CMYA5: variants seen among roughly 807,000 people sequenced by gnomAD.
The protein encoded by CMYA5 is cardiomyopathy-associated protein 5.
A neutral mutation model predicts 318.9 loss-of-function variants in CMYA5; 246 were observed. The ratio of observed to expected loss-of-function variants is 0.77; its 90% CI spans 0.70 to 0.86. The LOEUF is 0.86. CMYA5 is among the 40% of genes least tolerant of loss of function. The pLI is 0.00. For missense variants in CMYA5, 4,589 were observed against 4,678.2 expected, an observed-to-expected ratio of 0.98 and a Z score of 0.56; for synonymous variants, 1,641 against 1,729.5, an observed-to-expected ratio of 0.95 and a Z score of 1.27.
intron 1 of CMYA5, among the ~76,000 whole-genome samples, chr5:79,718,885 G>A (rs766212433): frequency 8.5e-5 from 13 of 152,160 alleles, no homozygotes; most frequent in Non-Finnish European, 1.6e-4. Context: ...GTATAGGGTT[G>A]TAGCCTAGGA....
At chr5:79,798,339 G>T (rs190111913) in intron 12 of CMYA5, among the ~76,000 whole-genome samples, 1 of 151,906 alleles carries the variant, frequency 6.6e-6, no homozygotes, top group African/African-American at 2.4e-5. Flanking sequence ...CACATCCGTC[G>T]ACCTTTCCCT....
chr5:79,742,267 G>A (rs938398027), intron 2 of CMYA5, among the ~76,000 whole-genome samples: 4 of 151,158 alleles, frequency 2.6e-5, no homozygotes, highest in East Asian at 1.9e-4. Flanking sequence ...ATCATAGCTC[G>A]CTGAAGCCTC....
Position 79,732,778 on chromosome 5 carries a change from C to A in CMYA5, c.4013C>A (p.Ala1338Asp). 1 of 1,613,706 alleles carries A rather than the reference C, an allele frequency of 6.2e-7. No homozygotes were observed. Among genetic ancestry groups the A allele is most frequent in the Non-Finnish European group, 8.5e-7 (1 of 1,179,804 alleles). The change falls in exon 2 of 13, where the codon GCT (alanine) becomes GAT (aspartate). Residue 1338 changes from alanine (A) to aspartate (D), a missense_variant. Around this residue, in one of 3 missense-constraint regions of CMYA5, gnomAD observed 2,132 missense variants for 2,131.3 expected, o/e 1.00. Coordinates refer to ENST00000446378, the MANE Select transcript of CMYA5 (RefSeq NM_153610.5). Reference protein sequence around the residue: ...EHGPPALAFSALSEEIKKEIE... With the variant: ...EHGPPALAFSDLSEEIKKEIE... Reference sequence around the variant, plus strand: ...GGTCCACCTGCACTAGCATTTTCAGCTTTGTCAGAAGAAATTAAAAAAGAA... The same window carrying A: ...GGTCCACCTGCACTAGCATTTTCAGATTTGTCAGAAGAAATTAAAAAAGAA...
chr5:79,730,830 T>G lies in CMYA5; in HGVS notation c.2065T>G (p.Cys689Gly). ...LSGDEASESG[C>G]YTPDSTSASE... ...AGGAGACGAGGCCTCAGAAAGTGGG[T>G]GTTACACACCAGACTCCACATCTGC... Residue 689 changes from cysteine (C) to glycine (G), a missense_variant, in exon 2 of 13, where the codon TGT becomes GGT. Coordinates refer to ENST00000446378, the MANE Select transcript of CMYA5 (RefSeq NM_153610.5). The G allele has an allele frequency of 1.2e-6, 2 of 1,613,864 alleles. No individual in the cohort carries two copies. The highest frequency in any genetic ancestry group is 1.7e-6 in the Non-Finnish European group (2 of 1,179,860).
chr5:79,768,985 G>T (rs774126727), intron 9 of CMYA5, among the ~76,000 whole-genome samples: 15 of 152,032 alleles, frequency 9.9e-5, no homozygotes, highest in Non-Finnish European at 2.1e-4. Flanking sequence ...TGGAGGCTTT[G>T]TTTGTTCCTT....
chr5:79,740,830 G>A (rs1446455015), intron 2 of CMYA5, among the ~76,000 whole-genome samples: 3 of 151,992 alleles, frequency 2.0e-5, no homozygotes, highest in Admixed American at 1.3e-4. Flanking sequence ...TAACAATAAC[G>A]ATTGAGGATT....
rs748901591 is a variant in CMYA5 at position 79,730,332 on chromosome 5, G to A, written c.1567G>A (p.Asp523Asn). ...CATAGCTATTACCCCTGAACCTGAAGATTCTAATTTAGTAGAAGAAGAGAT... is the reference window on the plus strand; with the variant it reads ...CATAGCTATTACCCCTGAACCTGAAAATTCTAATTTAGTAGAAGAAGAGAT... ...LPIAITPEPE[D>N]SNLVEEEIVE... Residue 523 changes from aspartate (D) to asparagine (N), a missense_variant, in exon 2 of 13, where the codon GAT becomes AAT. Coordinates refer to ENST00000446378, the MANE Select transcript of CMYA5 (RefSeq NM_153610.5). 1.2e-6 allele frequency: 2 copies of A among 1,612,300 alleles called. No homozygotes were observed. The highest frequency in any genetic ancestry group is 2.7e-5 in the African/African-American group (2 of 74,720).
chr5:79,702,049 A>G (rs1827183627), intron 1 of CMYA5, among the ~76,000 whole-genome samples: 1 of 152,138 alleles, frequency 6.6e-6, no homozygotes, highest in African/African-American at 2.4e-5. Context: ...GCTTGCAGTG[A>G]GCTGAGATCT....
intron 6 of CMYA5, among the ~76,000 whole-genome samples, chr5:79,758,084 G>T (rs1828564743): frequency 6.6e-6 from 1 of 152,120 alleles, no homozygotes; most frequent in Non-Finnish European, 1.5e-5. Flanking sequence ...ACAAAAATTA[G>T]CCAGGTGTGG....
intron 1 of CMYA5, among the ~76,000 whole-genome samples, chr5:79,700,062 A>G (rs1455170537): frequency 6.6e-6 from 1 of 152,224 alleles, no homozygotes; most frequent in East Asian, 1.9e-4. Flanking sequence ...TCAGTGGTCT[A>G]CTTTACCTTA....
intron 3 of CMYA5, among the ~76,000 whole-genome samples, chr5:79,744,815 C>T (rs1025232336): frequency 6.6e-6 from 1 of 152,150 alleles, no homozygotes; most frequent in Non-Finnish European, 1.5e-5. Flanking sequence ...GGGAGGTAGC[C>T]CCCATTCCAT....
chr5:79,706,103 A>G (rs1185347665), intron 1 of CMYA5, among the ~76,000 whole-genome samples: 1 of 152,112 alleles, frequency 6.6e-6, no homozygotes, highest in African/African-American at 2.4e-5. Context: ...AAGATAATGA[A>G]AGCTGGGTCC....
rs1327582701 is a variant in CMYA5 at position 79,752,740 on chromosome 5, G to A, written c.11056G>A (p.Glu3686Lys). Reference protein sequence around the residue: ...EKMPAAFSLFEHYDDSSARSD... With the variant: ...EKMPAAFSLFKHYDDSSARSD... ...AATGCCTGCTGCGTTTTCCCTTTTC[G>A]AACATTATGATGACAGCTCGGCAAG... The change falls in exon 6 of 13, where the codon GAA (glutamate) becomes AAA (lysine). Residue 3686 changes from glutamate (E) to lysine (K), a missense_variant. Around this residue, in one of 3 missense-constraint regions of CMYA5, gnomAD observed 2,431 missense variants for 2,495.1 expected, o/e 0.97. Transcript: ENST00000446378. 11 of 1,613,490 alleles carry A rather than the reference G, an allele frequency of 6.8e-6. No homozygotes were observed. Among genetic ancestry groups the A allele is most frequent in the South Asian group, 1.1e-5 (1 of 91,040 alleles).
At chr5:79,758,578 TA>T (rs1212989374) in intron 6 of CMYA5, among the ~76,000 whole-genome samples, 174 bp from the exon 7 acceptor site, 1 of 151,214 alleles carries the variant, frequency 6.6e-6, no homozygotes, top group Non-Finnish European at 1.5e-5. Flanking sequence ...TAAAATAAAA[TA>T]AAAAATAAAA....
intron 9 of CMYA5, among the ~76,000 whole-genome samples, chr5:79,770,144 C>A (rs1405036057): frequency 6.6e-6 from 1 of 151,174 alleles, no homozygotes; most frequent in African/African-American, 2.5e-5. Context: ...ATGGCGGACG[C>A]CCCTCCCCCC....
At chr5:79,777,208 G>T (rs259116) in intron 9 of CMYA5, among the ~76,000 whole-genome samples, 1 of 152,026 alleles carries the variant, frequency 6.6e-6, no homozygotes, top group Admixed American at 6.5e-5. Context: ...ATGTATTTAT[G>T]GTACAAATTA....
At position 79,734,491 on chromosome 5, in the gene CMYA5, G is replaced by A. The variant is rs752354612; in HGVS notation, c.5726G>A (p.Arg1909Lys). ...PENVASQHEQ[R>K]IAGSVQLDSS... ...AATGTGGCTAGTCAACACGAACAGA[G>A]AATAGCAGGATCTGTGCAGCTGGAT... Residue 1909 changes from arginine to lysine, a missense_variant, in exon 2 of 13, where the codon AGA becomes AAA. Transcript: ENST00000446378. 20 of 1,613,696 alleles carry A rather than the reference G, an allele frequency of 1.2e-5. No individual in the cohort carries two copies. The highest frequency in any genetic ancestry group is 1.4e-5 in the Non-Finnish European group (17 of 1,179,762).
chr5:79,792,994 G>A (rs190264887), intron 11 of CMYA5, among the ~76,000 whole-genome samples: 139 of 152,326 alleles, frequency 9.1e-4, no homozygotes, highest in Non-Finnish European at 1.7e-3. Context: ...AGGTCAGGAG[G>A]CATAGAACTC....
intron 1 of CMYA5, among the ~76,000 whole-genome samples, chr5:79,700,547 C>A (rs1827154598): frequency 6.6e-6 from 1 of 152,122 alleles, no homozygotes; most frequent in South Asian, 2.1e-4. Context: ...GGCAAAGGAT[C>A]TGAATAGAAG....
Sources: gnomAD v4.1 joint callset for allele counts (sites outside exome capture counted in the v4.1 genomes callset) on GRCh38, gnomAD v4.1.1 for gene constraint, gnomAD v4.1.1 regional missense constraint, MANE v1.5 for transcripts, NCBI Gene and HGNC (gene_info 2026-07-23, HGNC 2026-07-21) for gene names.